Variants in NCKAP5 observed in about 807,000 individuals in gnomAD.
NCKAP5 encodes NCK associated protein 5.
NCKAP5 carries 92 observed loss-of-function variants against 167.0 expected under a neutral mutation model. The ratio of observed to expected loss-of-function variants is 0.55; its 90% CI spans 0.47 to 0.66. The LOEUF (loss-of-function observed/expected upper bound fraction) is 0.66. Among genes scored for constraint, NCKAP5 ranks in the 30% least tolerant of loss-of-function variants. NCKAP5 has a pLI of 0.00. For synonymous variants in NCKAP5, 891 were observed against 877.4 expected, an observed-to-expected ratio of 1.02 and a Z score of -0.27; for missense variants, 2,378 against 2,315.0, an observed-to-expected ratio of 1.03 and a Z score of -0.56.
At chr2:133,353,258 A>G (rs1428982181) in intron 3 of NCKAP5, among the ~76,000 whole-genome samples, 1 of 152,172 alleles carries the variant, frequency 6.6e-6, no homozygotes, top group Non-Finnish European at 1.5e-5. Context: ...ATGTGGGAGG[A>G]AGTAATGGGA....
At chr2:132,707,616 TG>T (rs1214475547) in intron 19 of NCKAP5, among the ~76,000 whole-genome samples, 2 of 152,190 alleles carry the variant, frequency 1.3e-5, no homozygotes, top group African/African-American at 4.8e-5. Context: ...AGGTATCTCC[TG>T]TGTGCCAGGC....
At chr2:132,874,430 C>T (rs950596248) in intron 9 of NCKAP5, among the ~76,000 whole-genome samples, 1 of 152,122 alleles carries the variant, frequency 6.6e-6, no homozygotes, top group African/African-American at 2.4e-5. Flanking sequence ...TTAAAGATGA[C>T]GTAGGGCCCA....
Position 133,549,579 on chromosome 2 carries a change from G to A in NCKAP5, c.-62+9471C>T, listed in dbSNP as rs1280461747. Among the ~76,000 whole-genome samples the A allele has an allele frequency of 5.2e-3, 787 of 150,212 alleles. 5 individuals carry two copies. The highest frequency in any genetic ancestry group is 0.021 in the Middle Eastern group (6 of 292). ...AAAGACACAACATACCAGAATCTCC[G>A]GGACGCATTCAAAGCAGTGTGTAGA... On this transcript the variant is annotated intron_variant, in intron 2 of 19. Transcript: ENST00000409261.
chr2:133,253,332 C>T (rs1166175919), intron 4 of NCKAP5, among the ~76,000 whole-genome samples: 2 of 152,246 alleles, frequency 1.3e-5, no homozygotes, highest in African/African-American at 2.4e-5. Context: ...CTTCATCAAA[C>T]ACTGATGATA....
chr2:133,549,493 C>G (rs1458279962), intron 2 of NCKAP5, among the ~76,000 whole-genome samples: 1 of 145,906 alleles, frequency 6.9e-6, no homozygotes, highest in Non-Finnish European at 1.5e-5. Context: ...TCCTGAATGA[C>G]TACTGGGTAC....
chr2:132,793,315 C>T (rs1684224407), intron 12 of NCKAP5, among the ~76,000 whole-genome samples: 1 of 152,072 alleles, frequency 6.6e-6, no homozygotes, highest in African/African-American at 2.4e-5. Flanking sequence ...GCCGAGATGC[C>T]CTGATGTGAT....
At chr2:133,206,828 T>C (rs1559266550) in intron 5 of NCKAP5, among the ~76,000 whole-genome samples, 2 of 152,114 alleles carry the variant, frequency 1.3e-5, no homozygotes, top group East Asian at 3.9e-4. Context: ...AATGCATTCC[T>C]GGGGGTAGGT....
At chr2:133,594,104 C>T in the NCKAP5 span, among the ~76,000 whole-genome samples, 1 of 152,184 alleles carries the variant, frequency 6.6e-6, no homozygotes, top group African/African-American at 2.4e-5. Flanking sequence ...CGTGGTGGGA[C>T]CATCACTTTG....
the NCKAP5 span, among the ~76,000 whole-genome samples, chr2:133,596,838 C>T: frequency 6.6e-6 from 1 of 152,136 alleles, no homozygotes; most frequent in African/African-American, 2.4e-5. Context: ...GGAGGAATCT[C>T]GCCAATCTCT....
chr2:132,877,540 G>C (rs939295965), intron 9 of NCKAP5, among the ~76,000 whole-genome samples: 4 of 152,190 alleles, frequency 2.6e-5, no homozygotes, highest in African/African-American at 9.7e-5. Flanking sequence ...CGTGGGTCCT[G>C]AGAATCTGCA....
At chr2:133,032,106 C>A (rs2078898995) in intron 6 of NCKAP5, among the ~76,000 whole-genome samples, 1 of 152,060 alleles carries the variant, frequency 6.6e-6, no homozygotes, top group African/African-American at 2.4e-5. Context: ...GTAAAAAGGG[C>A]TTTGTCTTGT....
chr2:133,313,365 C>T (rs1182326205), intron 3 of NCKAP5, among the ~76,000 whole-genome samples: 1 of 150,338 alleles, frequency 6.7e-6, no homozygotes, highest in African/African-American at 2.5e-5. Flanking sequence ...TGTATTCTCC[C>T]ATTCAGTATT....
At chr2:133,163,475 A>G (rs893971219) in intron 5 of NCKAP5, among the ~76,000 whole-genome samples, 4 of 152,222 alleles carry the variant, frequency 2.6e-5, no homozygotes, top group Non-Finnish European at 5.9e-5. Flanking sequence ...GACACCTCAG[A>G]AAATATTATT....
chr2:132,896,489 C>A (rs970249677), intron 8 of NCKAP5, among the ~76,000 whole-genome samples: 2 of 152,042 alleles, frequency 1.3e-5, no homozygotes, highest in African/African-American at 4.8e-5. Context: ...CAGTTAGGAC[C>A]CTGAGGTGAT....
At chr2:133,555,173 GAACCTGCTTT>G (rs1359085653) in intron 2 of NCKAP5, among the ~76,000 whole-genome samples, 2 of 152,146 alleles carry the variant, frequency 1.3e-5, no homozygotes, top group Admixed American at 6.6e-5. Flanking sequence ...ACTCTATAAT[GAACCTGCTTT>G]TGCATGCAAA....
chr2:132,693,976 A>G (rs992427262), intron 19 of NCKAP5, among the ~76,000 whole-genome samples: 2 of 152,078 alleles, frequency 1.3e-5, no homozygotes, highest in Non-Finnish European at 2.9e-5. Context: ...GGAAACCAGT[A>G]AAAGCACTCT....
chr2:133,162,940 A>T (rs1468029201), intron 5 of NCKAP5, among the ~76,000 whole-genome samples: 1 of 152,206 alleles, frequency 6.6e-6, no homozygotes, highest in Non-Finnish European at 1.5e-5. Flanking sequence ...AGACATAAAG[A>T]TGGCACTAGA....
chr2:132,990,336 A>T (rs1260880328), intron 7 of NCKAP5, among the ~76,000 whole-genome samples: 1 of 152,174 alleles, frequency 6.6e-6, no homozygotes, highest in Non-Finnish European at 1.5e-5. Flanking sequence ...CGAGCATCCT[A>T]TAAACTGAGC....
At chr2:133,534,511 C>T (rs1212720909) in intron 2 of NCKAP5, among the ~76,000 whole-genome samples, 2 of 152,088 alleles carry the variant, frequency 1.3e-5, no homozygotes, top group African/African-American at 4.8e-5. Flanking sequence ...CTTACCCAGC[C>T]CCCGGCAACC....
Sources: gnomAD v4.1 joint callset for allele counts (sites outside exome capture counted in the v4.1 genomes callset) on GRCh38, gnomAD v4.1.1 for gene constraint, MANE v1.5 for transcripts, NCBI Gene and HGNC (gene_info 2026-07-23, HGNC 2026-07-21) for gene names.